The following NCOA2 variants were observed in gnomAD, a reference collection of about 807,000 sequenced individuals.
The protein encoded by NCOA2 is class E basic helix-loop-helix protein 75.
In NCOA2, 21 loss-of-function variants were observed where a neutral mutation model predicts 145.1. The observed-to-expected ratio is 0.14, with a 90% CI of 0.10 to 0.21. The LOEUF is 0.21. Among genes scored for constraint, NCOA2 ranks in the 10% least tolerant of loss-of-function variants. The pLI is 1.00. For missense variants in NCOA2, 1,472 were observed against 1,837.6 expected (o/e 0.80, Z 3.64); for synonymous variants, 619 against 637.5 (o/e 0.97, Z 0.44).
chr8:70,239,878 G>A (rs1233554974), intron 2 of NCOA2, among the ~76,000 whole-genome samples: 1 of 152,204 alleles, frequency 6.6e-6, no homozygotes. Context: ...CAGTGAGAGT[G>A]TGAACAGGTT....
intron 2 of NCOA2, among the ~76,000 whole-genome samples, chr8:70,222,588 A>C (rs1197156782): frequency 2.0e-5 from 3 of 152,206 alleles, no homozygotes; most frequent in African/African-American, 7.2e-5. Flanking sequence ...AAAGCCAATA[A>C]TACTCATGAA....
intron 2 of NCOA2, among the ~76,000 whole-genome samples, chr8:70,217,927 C>G (rs1401700112): frequency 6.6e-6 from 1 of 151,970 alleles, no homozygotes; most frequent in African/African-American, 2.4e-5. Flanking sequence ...ACCTTTGCCC[C>G]TCCTTTACTT....
At chr8:70,410,416 A>G in the NCOA2 span, among the ~76,000 whole-genome samples, 1 of 152,162 alleles carries the variant, frequency 6.6e-6, no homozygotes, top group African/African-American at 2.4e-5. Flanking sequence ...GATTGTATAG[A>G]ACATTAATAA....
chr8:70,216,086 T>C (rs1022232747), intron 3 of NCOA2, among the ~76,000 whole-genome samples: 1 of 152,212 alleles, frequency 6.6e-6, no homozygotes, highest in African/African-American at 2.4e-5. Flanking sequence ...TTAAAGTATA[T>C]AATAGGAAAA....
intron 2 of NCOA2, among the ~76,000 whole-genome samples, chr8:70,281,987 T>C (rs905141348): frequency 3.3e-5 from 5 of 152,238 alleles, no homozygotes; most frequent in African/African-American, 1.2e-4. Flanking sequence ...TATCTTTCTC[T>C]ACAACTTAAG....
intron 4 of NCOA2, among the ~76,000 whole-genome samples, chr8:70,182,581 G>A (rs1479815809): frequency 6.6e-6 from 1 of 152,156 alleles, no homozygotes; most frequent in Non-Finnish European, 1.5e-5. Flanking sequence ...GACTTTAATA[G>A]AAAATGCTTT....
At chr8:70,399,441 GTCTTAT>G (rs1269117936) in intron 1 of NCOA2, among the ~76,000 whole-genome samples, 2 of 152,112 alleles carry the variant, frequency 1.3e-5, no homozygotes, top group African/African-American at 4.8e-5. Flanking sequence ...ATGAACTATA[GTCTTAT>G]TCTTATACTA....
chr8:70,139,644 C>CTTTTTT (rs911504754), intron 14 of NCOA2, among the ~76,000 whole-genome samples: 8 of 91,862 alleles, frequency 8.7e-5, no homozygotes, highest in Admixed American at 2.4e-4. Flanking sequence ...CGCTGGCCAT[C>CTTTTTT]TTTTTTTTTT....
intron 9 of NCOA2, among the ~76,000 whole-genome samples, chr8:70,162,373 C>T (rs767333758): frequency 7.2e-5 from 11 of 152,222 alleles, no homozygotes; most frequent in Non-Finnish European, 1.6e-4. Flanking sequence ...ATTCCACTTA[C>T]TCTTATATTC....
At chr8:70,269,262 G>C (rs1824853239) in intron 2 of NCOA2, among the ~76,000 whole-genome samples, 1 of 152,016 alleles carries the variant, frequency 6.6e-6, no homozygotes. Flanking sequence ...ATATTCTAAA[G>C]CAAACGTGGG....
chr8:70,161,949 C>A (rs1360335946), intron 9 of NCOA2, among the ~76,000 whole-genome samples: 1 of 151,602 alleles, frequency 6.6e-6, no homozygotes, highest in South Asian at 2.1e-4. Flanking sequence ...AAAAGTGATT[C>A]TTTGGGAAGA....
At chr8:70,432,777 T>C in the NCOA2 span, among the ~76,000 whole-genome samples, 2 of 152,204 alleles carry the variant, frequency 1.3e-5, no homozygotes, top group Non-Finnish European at 2.9e-5. Flanking sequence ...TTCTTTTTAA[T>C]GGTAATTTCA....
intron 16 of NCOA2, among the ~76,000 whole-genome samples, chr8:70,129,609 G>C (rs540682426): frequency 1.3e-5 from 2 of 151,992 alleles, no homozygotes; most frequent in African/African-American, 4.8e-5. Flanking sequence ...GATTTCCTAC[G>C]TGCCCCACAT....
upstream of NCOA2, among the ~76,000 whole-genome samples, chr8:70,404,322 G>T (rs1411063375): frequency 1.3e-5 from 2 of 152,256 alleles, no homozygotes; most frequent in African/African-American, 4.8e-5. Flanking sequence ...GTTAGAGGCA[G>T]TGGGGCCTGG....
chr8:70,324,891 T>C (rs896426041), intron 1 of NCOA2, among the ~76,000 whole-genome samples: 6 of 152,212 alleles, frequency 3.9e-5, no homozygotes, highest in African/African-American at 1.2e-4. Context: ...TATGTTTACT[T>C]TGGAAATTTT....
chr8:70,124,449 C>T (rs955366454), intron 20 of NCOA2, among the ~76,000 whole-genome samples: 1 of 151,810 alleles, frequency 6.6e-6, no homozygotes. Context: ...GCAGGAGTCA[C>T]TAGAATTTAC....
intron 1 of NCOA2, among the ~76,000 whole-genome samples, chr8:70,403,146 C>T (rs1814518782): frequency 6.6e-6 from 1 of 151,132 alleles, no homozygotes; most frequent in Non-Finnish European, 1.5e-5. Context: ...TCCCACTCTC[C>T]GCTGCAGCCG....
rs534217603 is a variant in NCOA2, at chr8:70,272,436, T to A, written c.-20+24308A>T. ...TCCTCTACTCTTCCCTTAATTCTTC[T>A]GTGTCATGTTTCTGGTTATACTATC... On this transcript the variant is annotated intron_variant, in intron 2 of 22. Coordinates refer to ENST00000452400, the MANE Select transcript of NCOA2 (RefSeq NM_006540.4). 1.2e-3 allele frequency among the ~76,000 whole-genome samples: 188 copies of A among 152,246 alleles called. 1 individual carries two copies. Among genetic ancestry groups the A allele is most frequent in the Non-Finnish European group, 1.4e-3 (96 of 68,036 alleles).
chr8:70,119,806 C>A (rs1204208924), intron 22 of NCOA2, among the ~76,000 whole-genome samples: 1 of 151,680 alleles, frequency 6.6e-6, no homozygotes, highest in Non-Finnish European at 1.5e-5. Context: ...TGATGCTGAG[C>A]ATTTTTAATA....
Sources: allele counts gnomAD v4.1 joint callset (sites outside exome capture counted in the v4.1 genomes callset), GRCh38; gene constraint gnomAD v4.1.1; transcripts MANE v1.5; gene names NCBI Gene and HGNC (gene_info 2026-07-23, HGNC 2026-07-21).